The following CLEC3B variants were observed in gnomAD, a reference collection of about 807,000 sequenced individuals.
The protein encoded by CLEC3B is tetranectin.
A neutral mutation model predicts 15.4 loss-of-function variants in CLEC3B; 13 were observed. The observed-to-expected ratio is 0.84, with a 90% confidence interval of 0.55 to 1.34. CLEC3B has a LOEUF of 1.34. Among genes scored for constraint, CLEC3B ranks in the 40% most tolerant of loss-of-function variants. The pLI, the probability that CLEC3B is intolerant of heterozygous loss-of-function variation, is 0.00. For synonymous variants in CLEC3B, 112 were observed against 114.7 expected (o/e 0.98, Z 0.15); for missense variants, 242 against 268.6 (o/e 0.90, Z 0.69).
rs895393130 is a variant in CLEC3B, at chr3:45,031,009, C to T, written c.208+84C>T. The T allele has an allele frequency of 1.9e-5, 18 of 938,740 alleles. 1 individual carries two copies. The highest frequency in any genetic ancestry group is 1.2e-4 in the African/African-American group (7 of 60,670). 58.2% of individuals were successfully genotyped at this position (938,740 alleles called of 1,614,324 possible). A position where few individuals can be genotyped will look rare whatever the true frequency, so the allele number is the denominator to read the frequency against. ...CAGCCAGCAATGCTCTTCTCGCCTC[C>T]GTTCAGCATCAGGGTCCTGGCTCCA... On this transcript the variant is annotated intron_variant, in intron 2 of 2. Coordinates refer to ENST00000296130, the MANE Select transcript of CLEC3B (RefSeq NM_003278.3).
Position 45,035,686 on chromosome 3 carries a change from G to T in CLEC3B, c.371G>T (p.Ser124Ile). The part of the protein sequence containing the change: ...NDALYEYLRQ[S>I]VGNEAEIWLG... ...GCCCTGTATGAGTACCTGCGCCAGA[G>T]CGTGGGCAACGAGGCCGAGATCTGG... Residue 124 changes from serine (S) to isoleucine (I), a missense_variant, in exon 3 of 3, where the codon AGC becomes ATC. Physicochemically the swap from Ser to Ile is moderately radical, Grantham distance 142. Transcript: ENST00000296130. 6.2e-7 allele frequency: 1 copy of T among 1,613,874 alleles called. No individual in the cohort carries two copies.
chr3:45,035,692 G>C lies in CLEC3B; in HGVS notation c.377G>C (p.Gly126Ala), dbSNP rs1697631960. The C allele has an allele frequency of 8.7e-6, 14 of 1,613,832 alleles. No homozygotes were observed. The highest frequency in any genetic ancestry group is 1.2e-5 in the Non-Finnish European group (14 of 1,180,034). Reference sequence around the variant, plus strand: ...TATGAGTACCTGCGCCAGAGCGTGGGCAACGAGGCCGAGATCTGGCTGGGC... The same window carrying C: ...TATGAGTACCTGCGCCAGAGCGTGGCCAACGAGGCCGAGATCTGGCTGGGC... The part of the protein sequence containing the change: ...ALYEYLRQSV[G>A]NEAEIWLGLN... The change falls in exon 3 of 3, where the codon GGC becomes GCC. Residue 126 changes from glycine (G) to alanine (A), a missense_variant. Coordinates refer to ENST00000296130, the MANE Select transcript of CLEC3B (RefSeq NM_003278.3).
At chr3:45,027,810 T>G (rs1318750615) in intron 1 of CLEC3B, among the ~76,000 whole-genome samples, 1 of 152,210 alleles carries the variant, frequency 6.6e-6, no homozygotes, top group African/African-American at 2.4e-5. Context: ...AGGGAGAGCC[T>G]TTGTAAAAGA....
chr3:45,035,664 C>T lies in CLEC3B; in HGVS notation c.349C>T (p.Leu117=). The change falls in exon 3 of 3, where the codon CTG becomes TTG. Residue 117 remains leucine, a synonymous_variant. Transcript: ENST00000296130. ...TPQTGSENDA[L]YEYLRQSVGN... ...TCAGACTGGCTCGGAGAACGACGCC[C>T]TGTATGAGTACCTGCGCCAGAGCGT... The T allele has an allele frequency of 6.2e-7, 1 of 1,613,750 alleles. No homozygotes were observed. Among genetic ancestry groups the T allele is most frequent in the African/African-American group, 1.3e-5 (1 of 75,068 alleles).
At chr3:45,028,942 CCACATGGTCA>C (rs1414449584) in intron 1 of CLEC3B, among the ~76,000 whole-genome samples, 4 of 152,188 alleles carry the variant, frequency 2.6e-5, no homozygotes, top group African/African-American at 9.7e-5. Flanking sequence ...GTTCTTGGGG[CCACATGGTCA>C]CACCTGGCAG....
intron 2 of CLEC3B, among the ~76,000 whole-genome samples, chr3:45,033,863 T>G (rs1213483258): frequency 6.6e-6 from 1 of 152,132 alleles, no homozygotes; most frequent in East Asian, 1.9e-4. Flanking sequence ...AGGAGACTTA[T>G]CAGGAGATAC....
At chr3:45,033,269 C>A (rs1346575873) in intron 2 of CLEC3B, among the ~76,000 whole-genome samples, 2 of 152,132 alleles carry the variant, frequency 1.3e-5, no homozygotes, top group Non-Finnish European at 2.9e-5. Flanking sequence ...GGGGACCTCC[C>A]TGAAAAAAGT....
chr3:45,026,520 C>A, intron 1 of CLEC3B, 49 bp downstream of exon 1: 1 of 1,514,132 alleles, frequency 6.6e-7, no homozygotes, highest in Non-Finnish European at 9.1e-7. Flanking sequence ...AGCAGGTCCC[C>A]CTCTCCTTAG....
chr3:45,035,200 C>A (rs1697620285), intron 2 of CLEC3B, among the ~76,000 whole-genome samples: 1 of 152,156 alleles, frequency 6.6e-6, no homozygotes, highest in African/African-American at 2.4e-5. Context: ...TGGGTAAAGG[C>A]CAGAAATGAC....
At chr3:45,026,505 C>T (rs953151106) in intron 1 of CLEC3B, 34 bp downstream of exon 1, 2 of 1,568,452 alleles carry the variant, frequency 1.3e-6, no homozygotes, top group African/African-American at 2.7e-5. Flanking sequence ...TGCCATCTTC[C>T]AGGGAGCAGG....
intron 1 of CLEC3B, among the ~76,000 whole-genome samples, chr3:45,027,395 A>G (rs1027146850): frequency 7.9e-5 from 12 of 152,376 alleles, no homozygotes; most frequent in Non-Finnish European, 1.8e-4. Flanking sequence ...CATCGGGGCC[A>G]TGGGGCCTCA....
chr3:45,034,187 A>C (rs1374403070), intron 2 of CLEC3B, among the ~76,000 whole-genome samples: 1 of 152,214 alleles, frequency 6.6e-6, no homozygotes, highest in Non-Finnish European at 1.5e-5. Flanking sequence ...TGAATCCTTC[A>C]TCCCCAACAA....
chr3:45,034,233 G>A (rs914869828), intron 2 of CLEC3B, among the ~76,000 whole-genome samples: 5 of 152,238 alleles, frequency 3.3e-5, no homozygotes, highest in Non-Finnish European at 5.9e-5. Flanking sequence ...CCAGCAGGAA[G>A]GAAAGGCAAT....
chr3:45,032,968 C>T (rs985884974), intron 2 of CLEC3B, among the ~76,000 whole-genome samples: 1 of 152,196 alleles, frequency 6.6e-6, no homozygotes, highest in African/African-American at 2.4e-5. Flanking sequence ...ATCTCATTGA[C>T]AAGAAATCTA....
At position 45,035,723 on chromosome 3, in the gene CLEC3B, C is replaced by G. The variant is rs1372964529; in HGVS notation, c.408C>G (p.Asn136Lys). 5 of 1,613,850 alleles carry G rather than the reference C, an allele frequency of 3.1e-6. No homozygotes were observed. Among genetic ancestry groups the G allele is most frequent in the Non-Finnish European group, 3.4e-6 (4 of 1,180,022 alleles). ...AGGCCGAGATCTGGCTGGGCCTCAA[C>G]GACATGGCGGCCGAGGGCACCTGGG... Reference protein sequence around the residue: ...GNEAEIWLGLNDMAAEGTWVD... With the variant: ...GNEAEIWLGLKDMAAEGTWVD... Residue 136 changes from asparagine to lysine, a missense_variant, in exon 3 of 3, where the codon AAC becomes AAG. Coordinates refer to ENST00000296130, the MANE Select transcript of CLEC3B (RefSeq NM_003278.3).
chr3:45,035,948 G>A lies in CLEC3B; in HGVS notation c.*24G>A, dbSNP rs1221163280. ...AGCCGGCGGGGCGGGGGCCGTGGGG[G>A]GCCTGGAGGAGGGCAGGGGCCGCGG... On this transcript the variant is annotated 3_prime_UTR_variant, in exon 3 of 3. Transcript: ENST00000296130. 5.8e-6 allele frequency: 9 copies of A among 1,555,690 alleles called. No individual in the cohort carries two copies. In the South Asian group the frequency reaches 7.0e-5, roughly 12 times the overall value.
Position 45,035,900 on chromosome 3 carries a change from CA to C in CLEC3B, c.586del (p.Ile196SerfsTer?), listed in dbSNP as rs763752024. 6.2e-7 allele frequency: 1 copy of C among 1,603,974 alleles called. No homozygotes were observed. The highest frequency in any genetic ancestry group is 8.5e-7 in the Non-Finnish European group (1 of 1,175,318). ...AGCGCTGCCGCGATCAGCTGCCCTA[CA>C]TCTGCCAGTTCGGGATCGTGTAGCC... Reference protein sequence around the residue: ...DKRCRDQLPYICQFGIV With the variant: ...DKRCRDQLPYXCQFGIV On this transcript the variant is annotated frameshift_variant, in exon 3 of 3. Coordinates refer to ENST00000296130, the MANE Select transcript of CLEC3B (RefSeq NM_003278.3). LOFTEE classifies it high-confidence loss of function.
chr3:45,029,885 T>G (rs1697531338), intron 1 of CLEC3B, among the ~76,000 whole-genome samples: 1 of 152,188 alleles, frequency 6.6e-6, no homozygotes, highest in Admixed American at 6.5e-5. Context: ...CATGACTGGC[T>G]GCCAGCAGGA....
intron 2 of CLEC3B, 92 bp downstream of exon 2, chr3:45,031,017 A>G: frequency 1.1e-6 from 1 of 873,268 alleles, no homozygotes; most frequent in East Asian, 2.7e-5. Flanking sequence ...TCCGTTCAGC[A>G]TCAGGGTCCT....
Sources: gnomAD v4.1 joint callset for allele counts (sites outside exome capture counted in the v4.1 genomes callset) on GRCh38, gnomAD v4.1.1 for gene constraint, MANE v1.5 for transcripts, NCBI Gene and HGNC (gene_info 2026-07-23, HGNC 2026-07-21) for gene names.